Variants in ACOXL observed in about 807,000 individuals in gnomAD.
ACOXL encodes the protein acyl-coenzyme A oxidase-like protein.
A neutral mutation model predicts 71.9 loss-of-function variants in ACOXL; 70 were observed. That is an observed-to-expected ratio of 0.97 (90% CI 0.80 to 1.19). ACOXL has a LOEUF of 1.19. ACOXL is among the 50% of genes most tolerant of loss of function. ACOXL has a pLI of 0.00. For missense variants in ACOXL, 703 were observed against 736.3 expected (o/e 0.95, Z 0.52); for synonymous variants, 253 against 281.6 (o/e 0.90, Z 1.02).
chr2:110,819,183 A>T (rs974593236), intron 9 of ACOXL, among the ~76,000 whole-genome samples: 3 of 152,140 alleles, frequency 2.0e-5, no homozygotes, highest in African/African-American at 4.8e-5. Context: ...TGTCCAATAG[A>T]TTGGTGCAGT....
At chr2:110,978,838 A>G (rs567274827) in intron 12 of ACOXL, among the ~76,000 whole-genome samples, 1 of 152,276 alleles carries the variant, frequency 6.6e-6, no homozygotes, top group East Asian at 1.9e-4. Flanking sequence ...CATTCTGCCC[A>G]TTGCCATTTC....
intron 12 of ACOXL, among the ~76,000 whole-genome samples, chr2:110,958,186 A>G (rs977082928): frequency 1.3e-5 from 2 of 152,128 alleles, no homozygotes; most frequent in South Asian, 2.1e-4. Context: ...CTACTTTTCT[A>G]TAGGCCTCTT....
intron 12 of ACOXL, among the ~76,000 whole-genome samples, chr2:110,962,369 A>C (rs992982251): frequency 1.3e-5 from 2 of 152,210 alleles, no homozygotes; most frequent in African/African-American, 4.8e-5. Flanking sequence ...GGGGGAAGTG[A>C]ACTTCTGGTT....
At chr2:110,748,888 C>G (rs553792583) in intron 1 of ACOXL, among the ~76,000 whole-genome samples, 7 of 152,264 alleles carry the variant, frequency 4.6e-5, no homozygotes, top group African/African-American at 9.6e-5. Flanking sequence ...TTGCCGTTTT[C>G]AACAAGAAGA....
At chr2:110,873,443 G>A (rs1455862848) in intron 10 of ACOXL, among the ~76,000 whole-genome samples, 1 of 152,222 alleles carries the variant, frequency 6.6e-6, no homozygotes, top group African/African-American at 2.4e-5. Flanking sequence ...GCCCCAGGTA[G>A]CAGGATGTTT....
At chr2:110,826,652 A>G (rs754655917) in intron 9 of ACOXL, among the ~76,000 whole-genome samples, 5 of 151,862 alleles carry the variant, frequency 3.3e-5, no homozygotes, top group Admixed American at 6.6e-5. Context: ...TAGCAATGCA[A>G]TGGCCATATT....
intron 13 of ACOXL, among the ~76,000 whole-genome samples, chr2:110,993,729 C>A (rs573185983): frequency 1.3e-5 from 2 of 152,276 alleles, no homozygotes; most frequent in East Asian, 3.9e-4. Flanking sequence ...AGAGATTTCA[C>A]CATTTTACAC....
At chr2:111,006,327 A>G (rs1403162293) in intron 14 of ACOXL, among the ~76,000 whole-genome samples, 1 of 152,222 alleles carries the variant, frequency 6.6e-6, no homozygotes, top group Non-Finnish European at 1.5e-5. Context: ...GCTTAAAACC[A>G]TGAAACTCCA....
At chr2:111,006,947 A>G (rs966650538) in intron 14 of ACOXL, among the ~76,000 whole-genome samples, 2 of 51,240 alleles carry the variant, frequency 3.9e-5, no homozygotes, top group African/African-American at 1.7e-4. Context: ...TTCTTTCTCC[A>G]TCTTTTTTCT....
At chr2:110,909,230 A>G (rs1193250597) in intron 11 of ACOXL, among the ~76,000 whole-genome samples, 1 of 152,168 alleles carries the variant, frequency 6.6e-6, no homozygotes, top group African/African-American at 2.4e-5. Flanking sequence ...TTGAACAGTT[A>G]AAAGTTCTTT....
intron 10 of ACOXL, among the ~76,000 whole-genome samples, chr2:110,871,190 A>G (rs1695231982): frequency 6.6e-6 from 1 of 152,040 alleles, no homozygotes. Flanking sequence ...TGTTGGAAAA[A>G]TCCCTTTCGG....
chr2:110,936,368 C>A (rs557426643), intron 12 of ACOXL, among the ~76,000 whole-genome samples: 1 of 152,202 alleles, frequency 6.6e-6, no homozygotes, highest in East Asian at 1.9e-4. Context: ...TGGGCTCAAG[C>A]AATCCTCCTT....
At chr2:111,080,182 T>C (rs1326614138) in intron 16 of ACOXL, among the ~76,000 whole-genome samples, 1 of 141,122 alleles carries the variant, frequency 7.1e-6, no homozygotes, top group African/African-American at 2.6e-5. Context: ...CCTGGATTCA[T>C]TGATTTTTTG....
At chr2:111,001,469 G>C (rs1244015184) in intron 14 of ACOXL, among the ~76,000 whole-genome samples, 1 of 152,192 alleles carries the variant, frequency 6.6e-6, no homozygotes, top group Non-Finnish European at 1.5e-5. Flanking sequence ...GGATGCCTCA[G>C]AGGGAAGAAG....
In ACOXL at chr2:110,793,537, G is replaced by A. The variant is rs1358550204; in HGVS notation, c.160-113G>A. Reference sequence around the variant, plus strand: ...GAAGCATGCCACTTGCAGGGCTTAGGTCAAGCACAGGGGGCTGAATAGCTG... The same window carrying A: ...GAAGCATGCCACTTGCAGGGCTTAGATCAAGCACAGGGGGCTGAATAGCTG... On this transcript the variant is annotated intron_variant, in intron 3 of 17. Transcript: ENST00000439055. The A allele has an allele frequency of 4.6e-5, 44 of 960,014 alleles. 1 individual carries two copies. In the Admixed American group the frequency reaches 7.5e-4, roughly 16 times the overall value. 59.5% of individuals were successfully genotyped at this position (960,014 alleles called of 1,614,324 possible).
intron 14 of ACOXL, among the ~76,000 whole-genome samples, chr2:111,004,063 T>C (rs752463203): frequency 7.9e-5 from 12 of 152,220 alleles, no homozygotes; most frequent in Non-Finnish European, 1.6e-4. Context: ...TGACATAAAA[T>C]GATTCTGTTT....
chr2:110,858,011 C>T (rs1156229637), intron 10 of ACOXL, among the ~76,000 whole-genome samples: 1 of 152,184 alleles, frequency 6.6e-6, no homozygotes, highest in Non-Finnish European at 1.5e-5. Flanking sequence ...CAGATGTGAG[C>T]CACTGTGCCT....
At chr2:110,746,171 A>G (rs1476761969) in intron 1 of ACOXL, among the ~76,000 whole-genome samples, 1 of 152,206 alleles carries the variant, frequency 6.6e-6, no homozygotes, top group East Asian at 1.9e-4. Flanking sequence ...CTGTAGACAG[A>G]TGTTGACTGC....
intron 1 of ACOXL, among the ~76,000 whole-genome samples, chr2:110,752,649 AC>A (rs1028568876): frequency 7.9e-5 from 12 of 151,588 alleles, no homozygotes; most frequent in African/African-American, 2.9e-4. Flanking sequence ...TACATTTACG[AC>A]TCATGCCTCT....
Sources: allele counts gnomAD v4.1 joint callset (sites outside exome capture counted in the v4.1 genomes callset), GRCh38; gene constraint gnomAD v4.1.1; transcripts MANE v1.5; gene names NCBI Gene and HGNC (gene_info 2026-07-23, HGNC 2026-07-21).